The following LITAF variants were observed in gnomAD, a reference collection of about 807,000 sequenced individuals.
LITAF encodes lipopolysaccharide-induced tumor necrosis factor-alpha factor.
LITAF carries 9 observed loss-of-function variants against 14.5 expected under a neutral mutation model. The observed-to-expected ratio is 0.62, with a 90% CI of 0.37 to 1.08. The LOEUF is 1.08. Ranked by LOEUF, LITAF falls within the 50% of genes least tolerant of loss-of-function variation. The probability of loss-of-function intolerance (pLI) is 0.01; values close to 1 mark genes in which losing one functional copy is unlikely to be tolerated. For missense variants in LITAF, 206 were observed against 213.4 expected (o/e 0.97, Z 0.22); for synonymous variants, 98 against 88.2 (o/e 1.11, Z -0.62).
intron 1 of LITAF, among the ~76,000 whole-genome samples, chr16:11,564,743 C>A (rs1004320506): frequency 6.6e-6 from 1 of 152,118 alleles, no homozygotes; most frequent in Non-Finnish European, 1.5e-5. Context: ...AGTTTTATCA[C>A]TGATCATTCC....
At chr16:11,554,672 C>T (rs1344232878) in intron 2 of LITAF, among the ~76,000 whole-genome samples, 3 of 151,348 alleles carry the variant, frequency 2.0e-5, no homozygotes, top group Non-Finnish European at 2.9e-5. Flanking sequence ...CCTGTAGTCC[C>T]AGCTACTTGG....
intron 1 of LITAF, among the ~76,000 whole-genome samples, chr16:11,569,368 G>C (rs2064506616): frequency 6.6e-6 from 1 of 152,072 alleles, no homozygotes; most frequent in Non-Finnish European, 1.5e-5. Context: ...AGCCTCCCAA[G>C]TACCTGGGAT....
At chr16:11,561,895 T>C (rs904887220) in intron 1 of LITAF, among the ~76,000 whole-genome samples, 2 of 142,842 alleles carry the variant, frequency 1.4e-5, no homozygotes, top group African/African-American at 5.3e-5. Context: ...CTCTCCACAA[T>C]GTCTTTTTTT....
At chr16:11,568,648 C>T (rs79612621) in intron 1 of LITAF, among the ~76,000 whole-genome samples, 1,869 of 149,468 alleles carry the variant, frequency 0.013, 40 homozygotes, top group African/African-American at 0.039. Context: ...TCAGTGCTTG[C>T]TTGTGACACT....
At chr16:11,567,722 C>T (rs1433524694) in intron 1 of LITAF, among the ~76,000 whole-genome samples, 1 of 152,078 alleles carries the variant, frequency 6.6e-6, no homozygotes, top group Admixed American at 6.6e-5. Flanking sequence ...TGGTGGCTCA[C>T]GCCTGTAATC....
intron 1 of LITAF, among the ~76,000 whole-genome samples, chr16:11,574,627 AT>A (rs1486615628): frequency 6.6e-6 from 1 of 151,980 alleles, no homozygotes; most frequent in African/African-American, 2.4e-5. Flanking sequence ...GGTAAAGGTG[AT>A]GTCATCACAG....
chr16:11,635,349 C>G (rs894142403), intron 2 of LITAF, among the ~76,000 whole-genome samples: 3 of 152,240 alleles, frequency 2.0e-5, no homozygotes, highest in Non-Finnish European at 2.9e-5. Flanking sequence ...AACCAGCCCT[C>G]CAGCCAGAGC....
chr16:11,587,271 C>G (rs1360097858), upstream of LITAF: 1 of 413,880 alleles, frequency 2.4e-6, no homozygotes, highest in African/African-American at 2.0e-5. Flanking sequence ...ATTTGCCGCT[C>G]GCGGCTCTCC....
chr16:11,595,484 CT>C (rs1325794210), intron 1 of LITAF, among the ~76,000 whole-genome samples: 1 of 152,178 alleles, frequency 6.6e-6, no homozygotes, highest in African/African-American at 2.4e-5. Context: ...AATCCCAGCA[CT>C]TTGGGAGGCC....
chr16:11,596,563 AGG>A, intron 1 of LITAF, among the ~76,000 whole-genome samples: 1 of 31,292 alleles, frequency 3.2e-5, no homozygotes, highest in Non-Finnish European at 5.6e-5. Context: ...GAGGAGGCAG[AGG>A]GGAGGAGGAG....
At chr16:11,551,845 C>CAAAT in intron 3 of LITAF, 1 of 516,708 alleles carries the variant, frequency 1.9e-6, no homozygotes, top group African/African-American at 2.4e-5. Flanking sequence ...CAAAACAAAA[C>CAAAT]AAGTTTCTAT....
At chr16:11,618,040 A>G (rs903649861) in intron 3 of LITAF, among the ~76,000 whole-genome samples, 6 of 151,890 alleles carry the variant, frequency 4.0e-5, no homozygotes, top group African/African-American at 7.3e-5. Context: ...CCAGCTTCCA[A>G]AAAAATTTTT....
At chr16:11,550,282 G>A (rs1280613463) in intron 3 of LITAF, among the ~76,000 whole-genome samples, 2 of 152,152 alleles carry the variant, frequency 1.3e-5, no homozygotes, top group Non-Finnish European at 2.9e-5. Context: ...GAGAGTTGGG[G>A]TTTCACCGTG....
chr16:11,596,317 G>C (rs1028449857), intron 1 of LITAF, among the ~76,000 whole-genome samples: 3 of 151,794 alleles, frequency 2.0e-5, no homozygotes, highest in African/African-American at 7.3e-5. Flanking sequence ...CTCAGGATGG[G>C]AGGCCTGATC....
intron 3 of LITAF, among the ~76,000 whole-genome samples, chr16:11,610,450 G>A (rs575043099): frequency 3.9e-5 from 6 of 152,276 alleles, no homozygotes; most frequent in South Asian, 2.1e-4. Flanking sequence ...CAGCCTGCAC[G>A]CTGGGCAGTG....
chr16:11,609,205 T>C (rs1022291915), intron 3 of LITAF, among the ~76,000 whole-genome samples: 5 of 150,996 alleles, frequency 3.3e-5, no homozygotes, highest in African/African-American at 1.2e-4. Flanking sequence ...CTTTGAATAG[T>C]AGACTTTTTT....
At chr16:11,640,226 T>C (rs150079317), upstream of LITAF, among the ~76,000 whole-genome samples, 1 of 152,300 alleles carries the variant, frequency 6.6e-6, no homozygotes, top group African/African-American at 2.4e-5. Flanking sequence ...GCTCAGCACA[T>C]GTTCGTGGAG....
intron 3 of LITAF, among the ~76,000 whole-genome samples, chr16:11,617,065 C>T (rs1285436816): frequency 6.6e-6 from 1 of 151,436 alleles, no homozygotes; most frequent in Non-Finnish European, 1.5e-5. Flanking sequence ...ACTAAAAATA[C>T]AAAAATTTGC....
intron 1 of LITAF, among the ~76,000 whole-genome samples, chr16:11,584,695 C>T (rs1195732420): frequency 6.6e-6 from 1 of 152,168 alleles, no homozygotes; most frequent in Non-Finnish European, 1.5e-5. Flanking sequence ...TCTGGAGTTA[C>T]AAGGGCATTA....
Sources: allele counts gnomAD v4.1 joint callset (sites outside exome capture counted in the v4.1 genomes callset), GRCh38; gene constraint gnomAD v4.1.1; transcripts MANE v1.5; gene names NCBI Gene and HGNC (gene_info 2026-07-23, HGNC 2026-07-21).